CNTNAP5: variants seen among roughly 807,000 people sequenced by gnomAD.
The protein encoded by CNTNAP5 is contactin-associated protein-like 5.
CNTNAP5 carries 72 observed loss-of-function variants against 150.2 expected under a neutral mutation model. That is an observed-to-expected ratio of 0.48 (90% confidence interval 0.40 to 0.58). The LOEUF is 0.58. Among genes scored for constraint, CNTNAP5 ranks in the 20% least tolerant of loss-of-function variants. The probability of loss-of-function intolerance (pLI) is 0.00; values close to 1 mark genes in which losing one functional copy is unlikely to be tolerated. For missense variants in CNTNAP5, 1,636 were observed against 1,626.2 expected (o/e 1.01, Z -0.10); for synonymous variants, 672 against 619.8 (o/e 1.08, Z -1.25).
At chr2:124,694,386 G>A (rs371862975) in intron 13 of CNTNAP5, among the ~76,000 whole-genome samples, 276 of 152,240 alleles carry the variant, frequency 1.8e-3, no homozygotes, top group African/African-American at 6.3e-3. Flanking sequence ...GCCATCTTAT[G>A]CTGCTCGCCT....
intron 17 of CNTNAP5, among the ~76,000 whole-genome samples, chr2:124,788,357 T>G (rs890735879): frequency 2.0e-5 from 3 of 152,208 alleles, no homozygotes; most frequent in Admixed American, 6.5e-5. Flanking sequence ...ATCTTCAAGA[T>G]ATATCCTCAG....
At chr2:124,264,471 C>T (rs1687552135) in intron 3 of CNTNAP5, among the ~76,000 whole-genome samples, 1 of 151,796 alleles carries the variant, frequency 6.6e-6, no homozygotes, top group African/African-American at 2.4e-5. Flanking sequence ...GGTTCAAAGA[C>T]ACCAGAACTC....
chr2:124,333,731 G>C (rs7603847), intron 3 of CNTNAP5, among the ~76,000 whole-genome samples: 2 of 151,950 alleles, frequency 1.3e-5, no homozygotes, highest in East Asian at 3.9e-4. Context: ...GGCAGAGCCC[G>C]GTAACAAATA....
At chr2:124,346,775 TA>T (rs201099329) in intron 3 of CNTNAP5, among the ~76,000 whole-genome samples, 5,083 of 152,042 alleles carry the variant, frequency 0.033, 151 homozygotes, top group Non-Finnish European at 0.043. Flanking sequence ...ACAGTATTAT[TA>T]AAATCCAGTA....
chr2:124,895,453 T>C (rs1426806548), intron 21 of CNTNAP5, among the ~76,000 whole-genome samples: 1 of 151,416 alleles, frequency 6.6e-6, no homozygotes, highest in African/African-American at 2.5e-5. Flanking sequence ...AGTGAGACCC[T>C]TTCTCCACAA....
chr2:124,398,176 G>A (rs1323413673), intron 3 of CNTNAP5, among the ~76,000 whole-genome samples: 10 of 152,140 alleles, frequency 6.6e-5, no homozygotes, highest in Non-Finnish European at 1.5e-4. Context: ...CAGGGCAGTG[G>A]CCCTCAAAGT....
At chr2:124,304,668 C>T (rs909616298) in intron 3 of CNTNAP5, among the ~76,000 whole-genome samples, 14 of 152,080 alleles carry the variant, frequency 9.2e-5, no homozygotes, top group African/African-American at 2.7e-4. Flanking sequence ...GATGAGAAAA[C>T]GAAGGAGGAA....
At chr2:124,153,714 A>T (rs1244910013) in intron 1 of CNTNAP5, among the ~76,000 whole-genome samples, 1 of 144,768 alleles carries the variant, frequency 6.9e-6, no homozygotes, top group Non-Finnish European at 1.5e-5. Flanking sequence ...GGTTCACGCT[A>T]TTCTCCTGCC....
chr2:124,153,849 T>C lies in CNTNAP5; in HGVS notation c.83-67856T>C, dbSNP rs866618086. ...GCTAGTCTAGAACTCCTGACCTCAG[T>C]TGATCCACCCGCCTCGGCCTCCAAA... On this transcript the variant is annotated intron_variant, in intron 1 of 23. Coordinates refer to ENST00000682447, the MANE Select transcript of CNTNAP5 (RefSeq NM_001367498.1). 2.0e-5 allele frequency among the ~76,000 whole-genome samples: 3 copies of C among 151,924 alleles called. 1 individual carries two copies. The highest frequency in any genetic ancestry group is 3.4e-3 in the Middle Eastern group (1 of 294).
intron 1 of CNTNAP5, among the ~76,000 whole-genome samples, chr2:124,075,339 T>A (rs1682412545): frequency 6.6e-6 from 1 of 152,172 alleles, no homozygotes; most frequent in African/African-American, 2.4e-5. Flanking sequence ...TCCTCTGCAC[T>A]TTCGATGCCA....
At chr2:124,165,472 G>A (rs1342465868) in intron 1 of CNTNAP5, among the ~76,000 whole-genome samples, 1 of 152,156 alleles carries the variant, frequency 6.6e-6, no homozygotes, top group East Asian at 1.9e-4. Context: ...GGAAACGTCT[G>A]ATATGTTTGT....
At chr2:124,104,847 G>A (rs1014407957) in intron 1 of CNTNAP5, among the ~76,000 whole-genome samples, 7 of 152,136 alleles carry the variant, frequency 4.6e-5, no homozygotes, top group African/African-American at 1.4e-4. Context: ...TTGGTAGCTG[G>A]TACTCGGGTT....
At chr2:124,743,028 A>G (rs979811764) in intron 13 of CNTNAP5, among the ~76,000 whole-genome samples, 7 of 152,076 alleles carry the variant, frequency 4.6e-5, no homozygotes, top group Admixed American at 1.3e-4. Context: ...TCTACCGCGG[A>G]GAGATATATA....
intron 21 of CNTNAP5, among the ~76,000 whole-genome samples, chr2:124,873,911 T>G (rs1019287789): frequency 1.3e-5 from 2 of 152,066 alleles, no homozygotes; most frequent in Non-Finnish European, 2.9e-5. Flanking sequence ...AAAAGCAAGT[T>G]TGTTCATTTT....
At chr2:124,541,780 T>G (rs1237357118) in intron 10 of CNTNAP5, among the ~76,000 whole-genome samples, 2 of 152,116 alleles carry the variant, frequency 1.3e-5, no homozygotes, top group Non-Finnish European at 2.9e-5. Flanking sequence ...CTCACAACTC[T>G]AAGAGCCCAG....
At chr2:124,033,627 G>T (rs1681124414) in intron 1 of CNTNAP5, among the ~76,000 whole-genome samples, 2 of 152,210 alleles carry the variant, frequency 1.3e-5, no homozygotes, top group Admixed American at 6.5e-5. Context: ...CATGGGCATA[G>T]TCATCAAAAG....
intron 13 of CNTNAP5, among the ~76,000 whole-genome samples, chr2:124,698,420 A>T (rs1679451393): frequency 7.0e-6 from 1 of 142,290 alleles, no homozygotes; most frequent in Non-Finnish European, 1.5e-5. Flanking sequence ...TTGCTTATTT[A>T]TATGTATATA....
intron 13 of CNTNAP5, among the ~76,000 whole-genome samples, chr2:124,676,697 T>C (rs1678946353): frequency 6.6e-6 from 1 of 152,092 alleles, no homozygotes; most frequent in Non-Finnish European, 1.5e-5. Context: ...CTTGTGAGGG[T>C]GTTGGTTTTC....
chr2:124,625,675 G>A (rs146405490), intron 12 of CNTNAP5, among the ~76,000 whole-genome samples: 71 of 152,218 alleles, frequency 4.7e-4, no homozygotes, highest in African/African-American at 1.4e-3. Context: ...GACTCCTTCC[G>A]GATGGGTCTT....
Sources: allele counts gnomAD v4.1 joint callset (sites outside exome capture counted in the v4.1 genomes callset), GRCh38; gene constraint gnomAD v4.1.1; transcripts MANE v1.5; gene names NCBI Gene and HGNC (gene_info 2026-07-23, HGNC 2026-07-21).